CACNA1C: variants seen among roughly 807,000 people sequenced by gnomAD.
CACNA1C encodes the protein calcium voltage-gated channel subunit alpha1 C.
Under a neutral mutation model 229.0 loss-of-function variants are expected in CACNA1C, and 30 were observed. That is an observed-to-expected ratio of 0.13 (90% confidence interval 0.10 to 0.18). The LOEUF (loss-of-function observed/expected upper bound fraction) is 0.18. Ranked by LOEUF, CACNA1C falls within the 10% of genes least tolerant of loss-of-function variation. CACNA1C has a pLI of 1.00. For synonymous variants in CACNA1C, 1,114 were observed against 1,132.5 expected (o/e 0.98, Z 0.33); for missense variants, 1,658 against 2,845.0 (o/e 0.58, Z 9.49).
chr12:2,498,260 C>G (rs947117337), intron 7 of CACNA1C, among the ~76,000 whole-genome samples: 3 of 152,110 alleles, frequency 2.0e-5, no homozygotes, highest in African/African-American at 7.2e-5. Flanking sequence ...AAACAGTGTC[C>G]AGGGCCCTTT....
chr12:2,331,735 C>T (rs1467751441), intron 3 of CACNA1C, among the ~76,000 whole-genome samples: 2 of 152,228 alleles, frequency 1.3e-5, no homozygotes, highest in Non-Finnish European at 2.9e-5. Flanking sequence ...CCGTGGTGCT[C>T]CTGCCCAAAA....
intron 3 of CACNA1C, among the ~76,000 whole-genome samples, chr12:2,174,602 T>C (rs2096590290): frequency 6.6e-6 from 1 of 152,180 alleles, no homozygotes; most frequent in African/African-American, 2.4e-5. Context: ...AGCAATTATA[T>C]AATTTCACCT....
chr12:2,110,051 A>G (rs1440809495), intron 1 of CACNA1C, among the ~76,000 whole-genome samples: 1 of 152,200 alleles, frequency 6.6e-6, no homozygotes, highest in Non-Finnish European at 1.5e-5. Context: ...GATGGATTAA[A>G]GAAAAAAAAA....
chr12:2,477,460 A>G (rs2099635708), intron 5 of CACNA1C, among the ~76,000 whole-genome samples: 1 of 152,064 alleles, frequency 6.6e-6, no homozygotes, highest in South Asian at 2.1e-4. Flanking sequence ...ATAGAAAGCC[A>G]CTCTGTCTTA....
chr12:2,600,517 G>A (rs1004629542), intron 21 of CACNA1C, among the ~76,000 whole-genome samples: 1 of 152,144 alleles, frequency 6.6e-6, no homozygotes, highest in Non-Finnish European at 1.5e-5. Context: ...CTCCACTGTC[G>A]GCTCCACATT....
intron 1 of CACNA1C, among the ~76,000 whole-genome samples, chr12:2,072,574 C>A (rs1005298970): frequency 6.6e-6 from 1 of 152,104 alleles, no homozygotes; most frequent in African/African-American, 2.4e-5. Context: ...CTAGTCTGTT[C>A]GATGGAACTT....
At chr12:2,317,272 A>G (rs888657107) in intron 3 of CACNA1C, among the ~76,000 whole-genome samples, 6 of 152,242 alleles carry the variant, frequency 3.9e-5, no homozygotes, top group Non-Finnish European at 8.8e-5. Flanking sequence ...GTGTCCTTGG[A>G]CAGATGAATG....
intron 3 of CACNA1C, among the ~76,000 whole-genome samples, chr12:2,175,163 C>T (rs545408598): frequency 3.3e-5 from 5 of 152,256 alleles, no homozygotes; most frequent in Admixed American, 6.5e-5. Context: ...AACAGTAAAA[C>T]GCAAGAGATC....
chr12:2,106,744 G>T (rs1444508518), intron 1 of CACNA1C, among the ~76,000 whole-genome samples: 2 of 126,632 alleles, frequency 1.6e-5, no homozygotes, highest in African/African-American at 3.1e-5. Flanking sequence ...AAGCCACTGG[G>T]TGCTCACCCT....
intron 9 of CACNA1C, among the ~76,000 whole-genome samples, chr12:2,527,961 T>C (rs972265339): frequency 6.6e-6 from 1 of 152,208 alleles, no homozygotes; most frequent in African/African-American, 2.4e-5. Context: ...TTGTACCTCT[T>C]AGATGGTATA....
rs371731671 is a variant in CACNA1C at position 2,167,575 on chromosome 12, C to G, written c.477+47145C>G. On this transcript the variant is annotated intron_variant, in intron 3 of 46. Transcript: ENST00000399655. ...CCATGGGGGGCAGAAGCTGAAATCT[C>G]TGATCAGTTCTATTAATTTTAGATG... 5.3e-5 allele frequency among the ~76,000 whole-genome samples: 8 copies of G among 152,320 alleles called. No individual in the cohort carries two copies. In the East Asian group the frequency reaches 1.5e-3, roughly 29 times the overall value.
At chr12:2,625,087 C>T (rs1178804285) in intron 29 of CACNA1C, among the ~76,000 whole-genome samples, 1 of 152,050 alleles carries the variant, frequency 6.6e-6, no homozygotes, top group Non-Finnish European at 1.5e-5. Flanking sequence ...GGAGGACCTT[C>T]CCCCGCTCCC....
chr12:2,659,212 C>T (rs2095580966), intron 34 of CACNA1C, among the ~76,000 whole-genome samples: 1 of 152,158 alleles, frequency 6.6e-6, no homozygotes, highest in African/African-American at 2.4e-5. Context: ...ATGGTATGTG[C>T]CCTCTACAGG....
At chr12:2,229,853 A>G (rs1349030040) in intron 3 of CACNA1C, among the ~76,000 whole-genome samples, 1 of 152,156 alleles carries the variant, frequency 6.6e-6, no homozygotes, top group Non-Finnish European at 1.5e-5. Context: ...AGGGCGTTGC[A>G]GGCCACGGTG....
chr12:2,597,797 G>A lies in CACNA1C; in HGVS notation c.2853+508G>A, dbSNP rs1418184794. ...TGCCATTTCACTGGTTGGGGCTGCA[G>A]CCGTCAGCAGCGCCAGACATACATG... On this transcript the variant is annotated intron_variant, in intron 21 of 46. Transcript: ENST00000399655. This position sits in a 1 kb window ranked among gnomAD's most constrained non-coding sequence, Gnocchi z 4.3. 6.6e-6 allele frequency among the ~76,000 whole-genome samples: 1 copy of A among 152,192 alleles called. No individual in the cohort carries two copies. The highest frequency in any genetic ancestry group is 1.5e-5 in the Non-Finnish European group (1 of 68,034).
intron 18 of CACNA1C, among the ~76,000 whole-genome samples, chr12:2,590,413 CAT>C (rs1393487397): frequency 6.6e-6 from 1 of 152,194 alleles, no homozygotes; most frequent in Non-Finnish European, 1.5e-5. Context: ...ATTCTACTGG[CAT>C]TTGGGAGTAG....
chr12:2,485,998 A>C (rs1385623397), intron 5 of CACNA1C, 106 bp from the exon 6 acceptor site: 6 of 867,758 alleles, frequency 6.9e-6, no homozygotes, highest in Non-Finnish European at 1.0e-5. Flanking sequence ...TCTAAACAAC[A>C]GGGCTGGCAG....
At chr12:2,453,637 G>A (rs1406715079) in intron 4 of CACNA1C, among the ~76,000 whole-genome samples, 1 of 152,104 alleles carries the variant, frequency 6.6e-6, no homozygotes, top group Non-Finnish European at 1.5e-5. Flanking sequence ...GGGGCTTTGT[G>A]CATCCTCTGA....
intron 1 of CACNA1C, among the ~76,000 whole-genome samples, chr12:2,037,586 C>T (rs1339381299): frequency 6.6e-6 from 1 of 152,166 alleles, no homozygotes; most frequent in African/African-American, 2.4e-5. Context: ...GACGTGTTCC[C>T]CACTTTGTGC....
Sources: allele counts gnomAD v4.1 joint callset (sites outside exome capture counted in the v4.1 genomes callset), GRCh38; gene constraint gnomAD v4.1.1; non-coding constraint Gnocchi (gnomAD v3.1); transcripts MANE v1.5; gene names NCBI Gene and HGNC (gene_info 2026-07-23, HGNC 2026-07-21).